The following SGMS1 variants were observed in gnomAD, a reference collection of about 807,000 sequenced individuals.
SGMS1 encodes the protein phosphatidylcholine:ceramide cholinephosphotransferase 1.
In SGMS1, 13 loss-of-function variants were observed where a neutral mutation model predicts 46.2. That is an observed-to-expected ratio of 0.28 (90% CI 0.18 to 0.45). The LOEUF (loss-of-function observed/expected upper bound fraction) is 0.45, where lower values mean the gene tolerates loss of function less well. Among genes scored for constraint, SGMS1 ranks in the 20% least tolerant of loss-of-function variants. SGMS1 has a pLI of 1.00. For synonymous variants in SGMS1, 203 were observed against 187.8 expected (o/e 1.08, Z -0.66); for missense variants, 324 against 519.9 (o/e 0.62, Z 3.66).
At chr10:50,445,227 G>A (rs1236672987) in intron 5 of SGMS1, among the ~76,000 whole-genome samples, 1 of 152,156 alleles carries the variant, frequency 6.6e-6, no homozygotes, top group Non-Finnish European at 1.5e-5. Flanking sequence ...AAGACTTGGA[G>A]TACATTAGAG....
intron 8 of SGMS1, among the ~76,000 whole-genome samples, chr10:50,312,313 A>C (rs1426432028): frequency 2.7e-5 from 4 of 148,622 alleles, no homozygotes; most frequent in African/African-American, 1.0e-4. Context: ...TGGAAGGATG[A>C]TACATCAGTG....
At chr10:50,449,054 A>C (rs1837066426) in intron 5 of SGMS1, among the ~76,000 whole-genome samples, 2 of 152,214 alleles carry the variant, frequency 1.3e-5, no homozygotes, top group Non-Finnish European at 2.9e-5. Flanking sequence ...TAAATCTCAC[A>C]TATAAAATGA....
chr10:50,499,943 C>T (rs1016109146), intron 3 of SGMS1, among the ~76,000 whole-genome samples: 4 of 152,134 alleles, frequency 2.6e-5, no homozygotes, highest in Non-Finnish European at 5.9e-5. Flanking sequence ...CAAAGGCGGG[C>T]GGATCATGAG....
At chr10:50,478,542 G>A (rs1837448591) in intron 3 of SGMS1, among the ~76,000 whole-genome samples, 1 of 152,044 alleles carries the variant, frequency 6.6e-6, no homozygotes, top group African/African-American at 2.4e-5. Flanking sequence ...CTCTTTACAG[G>A]GTCAGTGAGT....
At chr10:50,417,134 A>G (rs1849181986) in intron 6 of SGMS1, among the ~76,000 whole-genome samples, 1 of 152,082 alleles carries the variant, frequency 6.6e-6, no homozygotes. Context: ...TCCCTGTTGC[A>G]TTGTGTATAT....
chr10:50,344,801 G>A (rs1051073388), intron 6 of SGMS1, among the ~76,000 whole-genome samples: 1 of 151,930 alleles, frequency 6.6e-6, no homozygotes, highest in Non-Finnish European at 1.5e-5. Context: ...GAACCCGGGA[G>A]GCGGAGCTTG....
At chr10:50,377,725 A>G (rs549591770) in intron 6 of SGMS1, among the ~76,000 whole-genome samples, 1 of 152,310 alleles carries the variant, frequency 6.6e-6, no homozygotes, top group South Asian at 2.1e-4. Flanking sequence ...TCTGGAGGCC[A>G]GAAGTCTGAA....
intron 6 of SGMS1, among the ~76,000 whole-genome samples, chr10:50,349,239 C>T (rs1847965431): frequency 6.6e-6 from 1 of 152,228 alleles, no homozygotes; most frequent in East Asian, 1.9e-4. Flanking sequence ...ACGTATTCAT[C>T]AAGAAGTTTA....
At chr10:50,587,941 T>A (rs1311758700) in intron 2 of SGMS1, among the ~76,000 whole-genome samples, 1 of 152,158 alleles carries the variant, frequency 6.6e-6, no homozygotes, top group Admixed American at 6.5e-5. Flanking sequence ...ATTTTCCATA[T>A]GTATCTTCTA....
intron 6 of SGMS1, among the ~76,000 whole-genome samples, chr10:50,406,667 C>G (rs1008955252): frequency 4.6e-5 from 7 of 150,954 alleles, no homozygotes; most frequent in Non-Finnish European, 1.0e-4. Flanking sequence ...ATTAGCCAAT[C>G]TTATCATTGC....
intron 6 of SGMS1, among the ~76,000 whole-genome samples, chr10:50,396,452 T>C (rs1035622335): frequency 6.6e-6 from 1 of 151,990 alleles, no homozygotes; most frequent in Admixed American, 6.6e-5. Context: ...AAAAGAGAAG[T>C]GAAAAAATTC....
rs569739616 is a variant in SGMS1, at chr10:50,519,322, A to C, written c.-498+509T>G. 1.3e-4 allele frequency among the ~76,000 whole-genome samples: 20 copies of C among 152,302 alleles called. No individual in the cohort carries two copies. In the East Asian group the frequency reaches 3.9e-3, roughly 29 times the overall value. ...TAGGTCAAGCTCTTTATTTCATCTC[A>C]GGTTAGCACTCTGAGCAGCACTGGA... is the stretch of plus-strand genomic sequence containing the variant. On this transcript the variant is annotated intron_variant, in intron 3 of 10. Transcript: ENST00000361781.
At position 50,512,423 on chromosome 10, in the gene SGMS1, A is replaced by G. The variant is rs115181541; in HGVS notation, c.-498+7408T>C. ...GGCTATGGGAGACCAGGAGCTCAAA[A>G]AGAAGCAAGTATTTGCAACAGCTGC... On this transcript the variant is annotated intron_variant, in intron 3 of 10. Coordinates refer to ENST00000361781, the MANE Select transcript of SGMS1 (RefSeq NM_147156.4). Among the ~76,000 whole-genome samples, 1,417 of 152,314 alleles carry G rather than the reference A, an allele frequency of 9.3e-3. 26 individuals carry two copies. Among genetic ancestry groups the G allele is most frequent in the African/African-American group, 0.033 (1,352 of 41,560 alleles).
intron 7 of SGMS1, among the ~76,000 whole-genome samples, chr10:50,330,500 T>A (rs564425959): frequency 6.6e-6 from 1 of 151,334 alleles, no homozygotes; most frequent in South Asian, 2.1e-4. Context: ...AATAAATAAA[T>A]GAAAAGGGGT....
chr10:50,350,864 AG>A (rs1483164797), intron 6 of SGMS1, among the ~76,000 whole-genome samples: 1 of 152,182 alleles, frequency 6.6e-6, no homozygotes, highest in Non-Finnish European at 1.5e-5. Context: ...TGCAGAAGGG[AG>A]ATGTGGGGTC....
intron 5 of SGMS1, among the ~76,000 whole-genome samples, chr10:50,454,360 T>C (rs1837163458): frequency 2.0e-5 from 3 of 152,038 alleles, no homozygotes; most frequent in Admixed American, 2.0e-4. Flanking sequence ...GATGCAGAGA[T>C]ATCAAGGGAA....
In SGMS1 at chr10:50,343,662, C is replaced by G. The variant is rs761438319; in HGVS notation, c.453G>C (p.Val151=). 3 of 1,614,068 alleles carry G rather than the reference C, an allele frequency of 1.9e-6. No individual in the cohort carries two copies. Among genetic ancestry groups the G allele is most frequent in the Non-Finnish European group, 2.5e-6 (3 of 1,180,052 alleles). Residue 151 remains valine, a synonymous_variant, in exon 7 of 11, where the codon GTG becomes GTC. Coordinates refer to ENST00000361781, the MANE Select transcript of SGMS1 (RefSeq NM_147156.4). ...CTCGTTCGTGGACGACCGAGATCAT[C>G]ACTGTGGTGAGAACGAAACAGGAAA... The part of the protein sequence containing the change: ...YALSCFVLTT[V]MISVVHERVP...
At chr10:50,380,988 A>T (rs947345288) in intron 6 of SGMS1, among the ~76,000 whole-genome samples, 1 of 145,990 alleles carries the variant, frequency 6.8e-6, no homozygotes, top group African/African-American at 2.5e-5. Flanking sequence ...GTGCCACCAC[A>T]CCTGGCTTTT....
chr10:50,312,074 C>G (rs1488889957), intron 8 of SGMS1, among the ~76,000 whole-genome samples: 1 of 152,132 alleles, frequency 6.6e-6, no homozygotes, highest in Non-Finnish European at 1.5e-5. Context: ...TCATTACAAC[C>G]TTTATTTGCT....
Sources: allele counts gnomAD v4.1 joint callset (sites outside exome capture counted in the v4.1 genomes callset), GRCh38; gene constraint gnomAD v4.1.1; transcripts MANE v1.5; gene names NCBI Gene and HGNC (gene_info 2026-07-23, HGNC 2026-07-21).